NCKAP5: variants seen among roughly 807,000 people sequenced by gnomAD.
NCKAP5 encodes NCK associated protein 5, also known as nck-associated protein 5.
A neutral mutation model predicts 167.0 loss-of-function variants in NCKAP5; 92 were observed. The ratio of observed to expected loss-of-function variants is 0.55; its 90% CI spans 0.47 to 0.66. The LOEUF is 0.66. NCKAP5 is among the 30% of genes least tolerant of loss of function. The pLI is 0.00. For synonymous variants in NCKAP5, 891 were observed against 877.4 expected (o/e 1.02, Z -0.27); for missense variants, 2,378 against 2,315.0 (o/e 1.03, Z -0.56).
chr2:132,732,009 G>T lies in NCKAP5; in HGVS notation c.5171C>A (p.Thr1724Asn), dbSNP rs1402284132. The change falls in exon 17 of 20, where the codon ACC becomes AAC. Residue 1724 changes from threonine (T) to asparagine (N), a missense_variant. Physicochemically the swap from Thr to Asn is moderately conservative, Grantham distance 65. Transcript: ENST00000409261. ...ATTTCCCGAGTCTGGGAGTGGAAAG[G>T]TTCCGATCCCACTGTCCAATGTTCT... ...QMRTLDSGIG[T>N]FPLPDSGNRS... 1 of 1,613,802 alleles carries T rather than the reference G, an allele frequency of 6.2e-7. No homozygotes were observed. Among genetic ancestry groups the T allele is most frequent in the Non-Finnish European group, 8.5e-7 (1 of 1,179,836 alleles).
At chr2:133,258,807 C>A (rs1199343499) in intron 4 of NCKAP5, among the ~76,000 whole-genome samples, 1 of 151,720 alleles carries the variant, frequency 6.6e-6, no homozygotes, top group African/African-American at 2.4e-5. Flanking sequence ...ATTCAGTGAT[C>A]AAAACTATTT....
In NCKAP5 at chr2:132,878,988, A is replaced by G; in HGVS notation, c.580-72T>C. On this transcript the variant is annotated intron_variant, in intron 8 of 19. Transcript: ENST00000409261. Reference sequence around the variant, plus strand: ...TGTTATGTGACAACTTATTCCATACAGTTACTAAATATATCTCCTCGTGAT... The same window carrying G: ...TGTTATGTGACAACTTATTCCATACGGTTACTAAATATATCTCCTCGTGAT... The G allele has an allele frequency of 2.5e-6, 3 of 1,200,902 alleles. No individual in the cohort carries two copies. The Admixed American group carries it at 5.1e-5, about 21-fold the overall frequency. 74.4% of individuals were successfully genotyped at this position (1,200,902 alleles called of 1,614,324 possible).
rs113605328 is a variant in NCKAP5 at position 133,341,281 on chromosome 2, C to A, written c.70-38171G>T. Among the ~76,000 whole-genome samples, 251 of 123,150 alleles carry A rather than the reference C, an allele frequency of 2.0e-3. 3 individuals are homozygous for A. Among genetic ancestry groups the A allele is most frequent in the African/African-American group, 7.8e-3 (242 of 31,086 alleles). 80.8% of individuals were successfully genotyped at this position (123,150 alleles called of 152,430 possible). ...TTTGACTTGTCATTCTGGAAGTGAG[C>A]AGATTTTTTTTTTTTTTTGTACCCA... On this transcript the variant is annotated intron_variant, in intron 3 of 19. Coordinates refer to ENST00000409261, the MANE Select transcript of NCKAP5 (RefSeq NM_207363.3).
chr2:133,335,424 G>A (rs767211904), intron 3 of NCKAP5, among the ~76,000 whole-genome samples: 1 of 152,106 alleles, frequency 6.6e-6, no homozygotes, highest in African/African-American at 2.4e-5. Flanking sequence ...TCCTTTAGTT[G>A]GATAATTGCA....
intron 3 of NCKAP5, among the ~76,000 whole-genome samples, chr2:133,315,355 G>A (rs1004788636): frequency 1.3e-5 from 2 of 152,158 alleles, no homozygotes; most frequent in South Asian, 2.1e-4. Flanking sequence ...AATAAAAATC[G>A]AAGATAATAT....
At chr2:133,260,995 A>C (rs979586882) in intron 4 of NCKAP5, among the ~76,000 whole-genome samples, 5 of 152,198 alleles carry the variant, frequency 3.3e-5, no homozygotes, top group African/African-American at 1.2e-4. Flanking sequence ...AAACCAGAAA[A>C]ATTACTGATG....
intron 5 of NCKAP5, among the ~76,000 whole-genome samples, chr2:133,187,805 CT>C (rs1318759399): frequency 6.6e-6 from 1 of 151,740 alleles, no homozygotes. Context: ...GCAACACCTG[CT>C]TTTTTTTGTT....
intron 11 of NCKAP5, among the ~76,000 whole-genome samples, chr2:132,826,025 G>A (rs904303853): frequency 1.1e-4 from 16 of 152,228 alleles, no homozygotes; most frequent in African/African-American, 1.7e-4. Context: ...GTTGTTGCAC[G>A]ATGCTTTACT....
chr2:133,310,976 C>T (rs1167939402), intron 3 of NCKAP5, among the ~76,000 whole-genome samples: 2 of 152,216 alleles, frequency 1.3e-5, no homozygotes, highest in South Asian at 2.1e-4. Flanking sequence ...CTTCTGACAG[C>T]AGATGAATGG....
At chr2:132,736,516 C>T (rs558670910) in intron 16 of NCKAP5, among the ~76,000 whole-genome samples, 21 of 152,086 alleles carry the variant, frequency 1.4e-4, no homozygotes, top group African/African-American at 4.8e-4. Flanking sequence ...CGCGGTGGCT[C>T]ATGCCTGTAA....
chr2:133,091,118 T>C (rs11899572), intron 6 of NCKAP5, among the ~76,000 whole-genome samples: 92,718 of 152,084 alleles, frequency 0.61, 28,879 homozygotes, highest in African/African-American at 0.74. Context: ...CTTCCCCTTC[T>C]GCCATGATTG....
At chr2:133,528,447 T>C (rs1363188908) in intron 2 of NCKAP5, among the ~76,000 whole-genome samples, 1 of 152,058 alleles carries the variant, frequency 6.6e-6, no homozygotes, top group South Asian at 2.1e-4. Flanking sequence ...TGGGAATCAC[T>C]GGCAGATCTC....
intron 13 of NCKAP5, among the ~76,000 whole-genome samples, chr2:132,786,319 G>A (rs1683565636): frequency 6.6e-6 from 1 of 152,182 alleles, no homozygotes; most frequent in Non-Finnish European, 1.5e-5. Context: ...AGAGGGTAAA[G>A]CTGGAAAAGT....
chr2:132,763,082 G>A (rs1054511520), intron 16 of NCKAP5, among the ~76,000 whole-genome samples: 9 of 152,162 alleles, frequency 5.9e-5, no homozygotes, highest in Non-Finnish European at 1.2e-4. Flanking sequence ...TGACTGGTGC[G>A]TTTGGTTGGC....
chr2:133,138,669 G>GT (rs1295909920), intron 5 of NCKAP5, among the ~76,000 whole-genome samples: 1 of 152,158 alleles, frequency 6.6e-6, no homozygotes. Flanking sequence ...AACTGCTGTA[G>GT]TAAGTTCTTA....
chr2:132,788,647 T>G (rs1683795351), intron 13 of NCKAP5, among the ~76,000 whole-genome samples: 1 of 152,172 alleles, frequency 6.6e-6, no homozygotes, highest in African/African-American at 2.4e-5. Context: ...ATATGGTAAT[T>G]TCTCATCGAC....
At chr2:132,717,981 A>G (rs1689532512) in intron 19 of NCKAP5, among the ~76,000 whole-genome samples, 2 of 152,332 alleles carry the variant, frequency 1.3e-5, no homozygotes, top group Admixed American at 1.3e-4. Context: ...ACATAATTTT[A>G]TAAAAACCAA....
At chr2:133,256,847 G>C (rs1347556190) in intron 4 of NCKAP5, among the ~76,000 whole-genome samples, 1 of 152,114 alleles carries the variant, frequency 6.6e-6, no homozygotes, top group Non-Finnish European at 1.5e-5. Context: ...CATCCTCTGT[G>C]TCTTCTCTCC....
chr2:132,686,414 T>G (rs1051048321), intron 19 of NCKAP5, among the ~76,000 whole-genome samples: 1 of 152,208 alleles, frequency 6.6e-6, no homozygotes, highest in Non-Finnish European at 1.5e-5. Flanking sequence ...GGGGCCCTGA[T>G]GACTGCCCCT....
Sources: gnomAD v4.1 joint callset for allele counts (sites outside exome capture counted in the v4.1 genomes callset) on GRCh38, gnomAD v4.1.1 for gene constraint, MANE v1.5 for transcripts, NCBI Gene and HGNC (gene_info 2026-07-23, HGNC 2026-07-21) for gene names.